ACAD11: variants seen among roughly 807,000 people sequenced by gnomAD.
ACAD11 encodes the protein acyl-Coenzyme A dehydrogenase family, member 11.
ACAD11 carries 83 observed loss-of-function variants against 102.2 expected under a neutral mutation model. The ratio of observed to expected loss-of-function variants is 0.81; its 90% CI spans 0.68 to 0.97. ACAD11 has a LOEUF of 0.97. Ranked by LOEUF, ACAD11 falls within the 50% of genes least tolerant of loss-of-function variation. The pLI is 0.00. For synonymous variants in ACAD11, 324 were observed against 319.8 expected, an observed-to-expected ratio of 1.01 and a Z score of -0.14; for missense variants, 901 against 951.7, an observed-to-expected ratio of 0.95 and a Z score of 0.70.
rs1202817776 is a variant in ACAD11, at chr3:132,626,816, T to C, written c.1072A>G (p.Thr358Ala). ...AETGLQLSKR[T>A]FSTVLPQIDT... The stretch of plus-strand genomic sequence containing the variant: ...ATCTGTGGTAGTACAGTACTGAAAG[T>C]TCTTTGCCAAAAGAAAAAAGGAAAA... The change falls in exon 9 of 20, where the codon ACT becomes GCT. Residue 358 changes from threonine to alanine, a missense_variant and splice_region_variant. Transcript: ENST00000264990. 6.2e-7 allele frequency: 1 copy of C among 1,601,512 alleles called. No homozygotes were observed. Among genetic ancestry groups the C allele is most frequent in the Admixed American group, 1.8e-5 (1 of 56,532 alleles).
In ACAD11 at chr3:132,575,899, TG is replaced by T. The variant is rs1297825445; in HGVS notation, c.1873del (p.Gln625LysfsTer13). The T allele has an allele frequency of 6.2e-7, 1 of 1,613,992 alleles. No homozygotes were observed. Among genetic ancestry groups the T allele is most frequent in the East Asian group, 2.2e-5 (1 of 44,868 alleles). On this transcript the variant is annotated frameshift_variant, in exon 17 of 20. Coordinates refer to ENST00000264990, the MANE Select transcript of ACAD11 (RefSeq NM_032169.5). LOFTEE classifies it high-confidence loss of function. ...LGEGRGFEIS[Q>X]GRLGPGRIHH... ...GATTCTGCCAGGTCCAAGGCGGCCT[TG>T]GGAAATTTCAAATCCCCTACCTTCA...
intron 9 of ACAD11, among the ~76,000 whole-genome samples, chr3:132,623,946 TA>T (rs924527938): frequency 4.6e-5 from 7 of 152,108 alleles, no homozygotes; most frequent in African/African-American, 1.7e-4. Flanking sequence ...AATCAGGCAG[TA>T]ATCAGGGAGG....
intron 17 of ACAD11, among the ~76,000 whole-genome samples, chr3:132,571,724 G>A (rs561613552): frequency 1.3e-5 from 2 of 152,048 alleles, no homozygotes; most frequent in South Asian, 4.2e-4. Context: ...GATCCAGTAG[G>A]CTATATCCTT....
At chr3:132,624,101 A>G (rs1240750959) in intron 9 of ACAD11, among the ~76,000 whole-genome samples, 1 of 150,810 alleles carries the variant, frequency 6.6e-6, no homozygotes, top group African/African-American at 2.4e-5. Context: ...GATTGCTTGA[A>G]GCCAGTAGTT....
At chr3:132,620,275 T>A (rs1175456978) in intron 9 of ACAD11, 1 of 152,262 alleles carries the variant, frequency 6.6e-6, no homozygotes, top group Non-Finnish European at 1.5e-5. Context: ...AACTGAAGTC[T>A]GTTTTCACCC....
intron 13 of ACAD11, among the ~76,000 whole-genome samples, chr3:132,583,386 C>A (rs919509924): frequency 1.3e-5 from 2 of 151,764 alleles, no homozygotes; most frequent in African/African-American, 4.8e-5. Flanking sequence ...TCTGTGGGAT[C>A]GGTGGTGATA....
rs138582438 is a variant in ACAD11 at position 132,615,667 on chromosome 3, C to T, written c.1414+2967G>A. ...CAGGGAGGGGAACATCACATATCAG[C>T]GCCTGTCGCAAGGTGAGGGGTTAGG... On this transcript the variant is annotated intron_variant, in intron 11 of 19. Coordinates refer to ENST00000264990, the MANE Select transcript of ACAD11 (RefSeq NM_032169.5). Among the ~76,000 whole-genome samples, 21 of 152,128 alleles carry T rather than the reference C, an allele frequency of 1.4e-4. No homozygotes were observed. In the East Asian group the frequency reaches 3.3e-3, roughly 24 times the overall value.
intron 4 of ACAD11, among the ~76,000 whole-genome samples, chr3:132,640,207 A>G (rs1055580760): frequency 6.6e-6 from 1 of 151,564 alleles, no homozygotes; most frequent in Non-Finnish European, 1.5e-5. Context: ...CTCCTGCCTC[A>G]GCCTCCTAAG....
intron 16 of ACAD11, 53 bp from the exon 17 acceptor site, chr3:132,575,979 CT>C (rs1326718880): frequency 1.3e-6 from 2 of 1,589,168 alleles, no homozygotes; most frequent in Non-Finnish European, 1.7e-6. Context: ...TAGCCCATTC[CT>C]TTTGTTATTT....
intron 1 of ACAD11, among the ~76,000 whole-genome samples, chr3:132,648,085 C>T (rs928325601): frequency 6.6e-6 from 1 of 152,156 alleles, no homozygotes; most frequent in Non-Finnish European, 1.5e-5. Context: ...GGGACACAAA[C>T]ATTTAGATCA....
intron 5 of ACAD11, 55 bp from the exon 6 acceptor site, chr3:132,631,534 TAAA>T: frequency 7.9e-7 from 1 of 1,259,660 alleles, no homozygotes; most frequent in South Asian, 2.6e-5. Context: ...ACAAGTATAA[TAAA>T]GAAATAAATA....
intron 2 of ACAD11, 102 bp from the exon 3 acceptor site, chr3:132,642,904 T>TAAAACA: frequency 8.4e-7 from 1 of 1,196,972 alleles, no homozygotes; most frequent in Non-Finnish European, 1.2e-6. Flanking sequence ...AAAACAACTG[T>TAAAACA]AAAACAGTAT....
chr3:132,579,571 G>A lies in ACAD11; in HGVS notation c.1622-13C>T. Reference sequence around the variant, plus strand: ...GGATTCCCAGCTCCTAAAACCAAGGGGAACACAAGCAGATTATAAAAGGAA... The same window carrying A: ...GGATTCCCAGCTCCTAAAACCAAGGAGAACACAAGCAGATTATAAAAGGAA... On this transcript the variant is annotated splice_polypyrimidine_tract_variant and intron_variant, in intron 13 of 19. Transcript: ENST00000264990. 6.2e-7 allele frequency: 1 copy of A among 1,611,210 alleles called. No homozygotes were observed. Among genetic ancestry groups the A allele is most frequent in the Non-Finnish European group, 8.5e-7 (1 of 1,178,030 alleles).
intron 9 of ACAD11, among the ~76,000 whole-genome samples, chr3:132,624,283 G>C (rs964591607): frequency 4.1e-5 from 6 of 147,772 alleles, no homozygotes; most frequent in Admixed American, 1.4e-4. Flanking sequence ...CTAGCTTGGA[G>C]ACACAGCAAG....
intron 16 of ACAD11, 121 bp downstream of exon 16, chr3:132,576,823 G>A (rs1373948437): frequency 1.5e-5 from 11 of 732,012 alleles, no homozygotes; most frequent in South Asian, 3.7e-5. Flanking sequence ...ACTTTTGCAC[G>A]AACCTAATAT....
intron 13 of ACAD11, among the ~76,000 whole-genome samples, chr3:132,602,898 G>A (rs1344553593): frequency 6.6e-6 from 1 of 152,072 alleles, no homozygotes; most frequent in Non-Finnish European, 1.5e-5. Flanking sequence ...CGCCACCCGG[G>A]GTCAAGCAAA....
intron 10 of ACAD11, 86 bp from the exon 11 acceptor site, chr3:132,618,858 T>A: frequency 7.7e-7 from 1 of 1,292,824 alleles, no homozygotes; most frequent in South Asian, 2.3e-5. Flanking sequence ...TTGGTATTTA[T>A]GATCTTTGAA....
intron 17 of ACAD11, among the ~76,000 whole-genome samples, chr3:132,563,331 A>G (rs1194258076): frequency 6.6e-6 from 1 of 152,114 alleles, no homozygotes; most frequent in Non-Finnish European, 1.5e-5. Context: ...GTCTGTCTTT[A>G]TCTACAAAAT....
intron 13 of ACAD11, 45 bp downstream of exon 13, chr3:132,603,184 C>A: frequency 7.1e-7 from 1 of 1,416,234 alleles, no homozygotes; most frequent in Non-Finnish European, 1.0e-6. Context: ...GCATCTGGAA[C>A]AAAGGATCAG....
Sources: gnomAD v4.1 joint callset for allele counts (sites outside exome capture counted in the v4.1 genomes callset) on GRCh38, gnomAD v4.1.1 for gene constraint, MANE v1.5 for transcripts, NCBI Gene and HGNC (gene_info 2026-07-23, HGNC 2026-07-21) for gene names.